Variants in STK32C observed in about 807,000 individuals in gnomAD.
The protein encoded by STK32C is serine/threonine kinase 32C, also known as serine/threonine-protein kinase 32C.
STK32C carries 31 observed loss-of-function variants against 56.5 expected under a neutral mutation model. The ratio of observed to expected loss-of-function variants is 0.55; its 90% CI spans 0.41 to 0.74. The LOEUF is 0.74. Among genes scored for constraint, STK32C ranks in the 30% least tolerant of loss-of-function variants. STK32C has a pLI of 0.00. For missense variants in STK32C, 544 were observed against 676.9 expected (o/e 0.80, Z 2.18); for synonymous variants, 309 against 289.4 (o/e 1.07, Z -0.69).
At chr10:132,229,462 AC>A (rs1449990444) in intron 2 of STK32C, among the ~76,000 whole-genome samples, 2 of 152,142 alleles carry the variant, frequency 1.3e-5, no homozygotes, top group Non-Finnish European at 2.9e-5. Context: ...GTACCACTGA[AC>A]TCAGCCTGGG....
At chr10:132,227,505 C>G (rs1003471496) in intron 3 of STK32C, among the ~76,000 whole-genome samples, 12 of 150,908 alleles carry the variant, frequency 8.0e-5, no homozygotes, top group African/African-American at 2.2e-4. Flanking sequence ...TGATTGTGGT[C>G]GTGGTGGTGG....
At chr10:132,277,567 C>G (rs7073262) in intron 1 of STK32C, among the ~76,000 whole-genome samples, 1 of 152,138 alleles carries the variant, frequency 6.6e-6, no homozygotes, top group Non-Finnish European at 1.5e-5. Flanking sequence ...CCTGCCTGCC[C>G]GTGGCCCTGC....
chr10:132,316,061 G>A (rs556175173), intron 1 of STK32C, among the ~76,000 whole-genome samples: 5 of 152,112 alleles, frequency 3.3e-5, no homozygotes, highest in Non-Finnish European at 5.9e-5. Context: ...AGAAAAATAA[G>A]AGATGTTAAA....
chr10:132,282,659 T>C (rs1203155015), intron 1 of STK32C, among the ~76,000 whole-genome samples: 2 of 152,128 alleles, frequency 1.3e-5, no homozygotes, highest in African/African-American at 4.8e-5. Context: ...AACAAAATAA[T>C]AATAACAACG....
At chr10:132,291,174 G>T (rs1321353315) in intron 1 of STK32C, among the ~76,000 whole-genome samples, 1 of 152,202 alleles carries the variant, frequency 6.6e-6, no homozygotes, top group East Asian at 1.9e-4. Flanking sequence ...AATTAGCTCG[G>T]CGGTGGCTGA....
At position 132,208,022 on chromosome 10, in the gene STK32C, G is replaced by A. The variant is rs144092712; in HGVS notation, c.1449C>T (p.Ala483=). 3.0e-4 allele frequency: 388 copies of A among 1,309,252 alleles called. No individual in the cohort carries two copies. The highest frequency in any genetic ancestry group is 3.3e-4 in the Non-Finnish European group (334 of 1,021,842). The allele number at this position is 1,309,252 out of a possible 1,614,324, so 81.1% of individuals were successfully genotyped here. ...CGGGCGTCCCGGCCTAGCCGCTCCC[G>A]GCCGAGGGGCAAATGGGGCCGCACA... ...LPMCGPICPS[A]GSG is the part of the protein sequence containing the mutation. The change falls in exon 12 of 12, where the codon GCC becomes GCT. Residue 483 remains alanine (A), a synonymous_variant. Coordinates refer to ENST00000298630, the MANE Select transcript of STK32C (RefSeq NM_173575.4).
chr10:132,225,381 C>T (rs765710638), intron 6 of STK32C, 45 bp from the exon 7 acceptor site: 2 of 1,588,338 alleles, frequency 1.3e-6, no homozygotes, highest in Non-Finnish European at 1.7e-6. Context: ...GGGGTCACAG[C>T]CCGGACCCGT....
chr10:132,284,254 G>T (rs1001566116), intron 1 of STK32C, among the ~76,000 whole-genome samples: 1 of 148,448 alleles, frequency 6.7e-6, no homozygotes, highest in Non-Finnish European at 1.5e-5. Context: ...AGAGTAGGAG[G>T]TGGCATCAAG....
chr10:132,314,297 T>C (rs1678872407), intron 1 of STK32C, among the ~76,000 whole-genome samples: 1 of 152,274 alleles, frequency 6.6e-6, no homozygotes, highest in African/African-American at 2.4e-5. Flanking sequence ...TGCTGAGCTT[T>C]TCTGACATTC....
intron 8 of STK32C, among the ~76,000 whole-genome samples, chr10:132,224,142 G>A (rs1429374013): frequency 6.6e-6 from 1 of 152,162 alleles, no homozygotes; most frequent in Non-Finnish European, 1.5e-5. Flanking sequence ...CTGTGAGGGT[G>A]CCTGGAGACG....
chr10:132,248,646 C>T (rs4880360), intron 1 of STK32C, among the ~76,000 whole-genome samples: 38,306 of 152,252 alleles, frequency 0.25, 6,106 homozygotes, highest in East Asian at 0.5. Flanking sequence ...TGGTGGTCCA[C>T]GCCCACGTGC....
At chr10:132,310,958 C>T (rs574543283), upstream of STK32C, among the ~76,000 whole-genome samples, 1 of 152,248 alleles carries the variant, frequency 6.6e-6, no homozygotes, top group East Asian at 1.9e-4. The surrounding 1 kb of genome is among the most constrained non-coding windows in gnomAD (Gnocchi z 4.6). Flanking sequence ...TGCGGGAGGA[C>T]AGGAGGGTCC....
chr10:132,313,886 G>A (rs943248783), intron 1 of STK32C, among the ~76,000 whole-genome samples: 1 of 152,202 alleles, frequency 6.6e-6, no homozygotes, highest in South Asian at 2.1e-4. Context: ...GCTGAAATGG[G>A]GGTTGTTTAA....
intron 8 of STK32C, 55 bp downstream of exon 8, chr10:132,224,352 T>C (rs2062797652): frequency 7.5e-7 from 1 of 1,332,792 alleles, no homozygotes. Context: ...CGCAGGTAAG[T>C]GAGGGAGGGA....
At chr10:132,287,251 G>A (rs2065432766) in intron 1 of STK32C, among the ~76,000 whole-genome samples, 1 of 152,034 alleles carries the variant, frequency 6.6e-6, no homozygotes, top group Non-Finnish European at 1.5e-5. Context: ...CCAGCACTTT[G>A]GGAGGCCAAG....
intron 1 of STK32C, among the ~76,000 whole-genome samples, chr10:132,260,870 A>T (rs1258450314): frequency 1.3e-5 from 2 of 152,250 alleles, no homozygotes; most frequent in African/African-American, 4.8e-5. Flanking sequence ...CAGCAGGAGC[A>T]CAGGGGACAG....
intron 2 of STK32C, among the ~76,000 whole-genome samples, chr10:132,244,428 A>T (rs1018730279): frequency 5.3e-5 from 8 of 152,154 alleles, no homozygotes; most frequent in Non-Finnish European, 1.0e-4. Context: ...CATGAGAAGG[A>T]GGGGACCATC....
rs2818413 is a variant in STK32C at position 132,207,614 on chromosome 10, C to A, written c.*396G>T. 0.82 allele frequency: 149,103 copies of A among 182,132 alleles called. 61,248 individuals carry two copies. Among genetic ancestry groups the A allele is most frequent in the East Asian group, 0.96 (6,925 of 7,208 alleles). The allele number at this position is 182,132 out of a possible 1,614,324, so 11.3% of individuals were successfully genotyped here. On this transcript the variant is annotated 3_prime_UTR_variant, in exon 12 of 12. Coordinates refer to ENST00000298630, the MANE Select transcript of STK32C (RefSeq NM_173575.4). ...CAACCCATGCCCTTGACCTCCAAGA[C>A]CTGAGCCGAGCCTGGGGCACCCGCG...
intron 11 of STK32C, 62 bp from the exon 12 acceptor site, chr10:132,208,213 T>C: frequency 7.8e-7 from 1 of 1,285,056 alleles, no homozygotes; most frequent in Non-Finnish European, 9.9e-7. Flanking sequence ...CACGGTCCCA[T>C]GACCTGCCCA....
Sources: gnomAD v4.1 joint callset for allele counts (sites outside exome capture counted in the v4.1 genomes callset) on GRCh38, gnomAD v4.1.1 for gene constraint, Gnocchi (gnomAD v3.1) non-coding constraint, MANE v1.5 for transcripts, NCBI Gene and HGNC (gene_info 2026-07-23, HGNC 2026-07-21) for gene names.